Variants in STAG1 observed in about 807,000 individuals in gnomAD.
STAG1 encodes STAG1 cohesin complex component.
A neutral mutation model predicts 170.9 loss-of-function variants in STAG1; 26 were observed. That is an observed-to-expected ratio of 0.15 (90% CI 0.11 to 0.21). The LOEUF is 0.21. STAG1 is among the 10% of genes least tolerant of loss of function. The pLI is 1.00. For synonymous variants in STAG1, 514 were observed against 497.7 expected (o/e 1.03, Z -0.44); for missense variants, 964 against 1,509.5 (o/e 0.64, Z 5.99).
chr3:136,408,037 T>C (rs543075130), intron 21 of STAG1, among the ~76,000 whole-genome samples: 47 of 152,106 alleles, frequency 3.1e-4, no homozygotes, highest in African/African-American at 1.1e-3. Flanking sequence ...TCCAAAAATA[T>C]ATTTCAACTA....
chr3:136,443,759 A>AT (rs2088698390), intron 14 of STAG1, among the ~76,000 whole-genome samples: 1 of 123,862 alleles, frequency 8.1e-6, no homozygotes, highest in Non-Finnish European at 1.7e-5. Context: ...CTTTATTTTT[A>AT]TTTTTTAAAG....
chr3:136,352,748 T>C (rs1389318027), intron 28 of STAG1, among the ~76,000 whole-genome samples: 2 of 152,242 alleles, frequency 1.3e-5, no homozygotes, highest in African/African-American at 4.8e-5. Flanking sequence ...CATTTCATTA[T>C]AAAATAGGCT....
chr3:136,731,763 C>T (rs1934055652), intron 1 of STAG1, among the ~76,000 whole-genome samples: 1 of 152,206 alleles, frequency 6.6e-6, no homozygotes, highest in African/African-American at 2.4e-5. Flanking sequence ...AAAACACTTG[C>T]TAACCTATCT....
chr3:136,668,369 ATATAT>A (rs1338406729), intron 1 of STAG1, among the ~76,000 whole-genome samples: 2 of 146,374 alleles, frequency 1.4e-5, no homozygotes, highest in South Asian at 2.1e-4. Context: ...ATTATACATA[ATATAT>A]TATACATAAT....
intron 5 of STAG1, among the ~76,000 whole-genome samples, chr3:136,562,495 A>G (rs563346706): frequency 5.4e-5 from 8 of 147,400 alleles, no homozygotes; most frequent in Non-Finnish European, 7.5e-5. Flanking sequence ...TCCTGACCTC[A>G]GGAAATCTGC....
intron 23 of STAG1, 68 bp downstream of exon 23, chr3:136,377,592 T>C (rs1576406590): frequency 7.5e-7 from 1 of 1,332,454 alleles, no homozygotes; most frequent in East Asian, 2.3e-5. Flanking sequence ...TAAAAAATTG[T>C]ATCTTCTTAA....
At chr3:136,567,887 C>T (rs968759203) in intron 5 of STAG1, among the ~76,000 whole-genome samples, 8 of 152,164 alleles carry the variant, frequency 5.3e-5, no homozygotes, top group Non-Finnish European at 1.2e-4. Flanking sequence ...AAGCCCTTTG[C>T]TGAACTATTA....
intron 9 of STAG1, among the ~76,000 whole-genome samples, chr3:136,489,400 C>T (rs768174213): frequency 1.1e-4 from 17 of 152,204 alleles, no homozygotes; most frequent in Non-Finnish European, 2.5e-4. Flanking sequence ...TTGTATTACC[C>T]TTATGGATGC....
At chr3:136,403,442 A>C (rs533069327) in intron 21 of STAG1, among the ~76,000 whole-genome samples, 1 of 152,140 alleles carries the variant, frequency 6.6e-6, no homozygotes, top group Non-Finnish European at 1.5e-5. Context: ...TATAAACATT[A>C]GTGCTAAAAA....
chr3:136,670,905 TTTTC>T (rs1263583122), intron 1 of STAG1, among the ~76,000 whole-genome samples: 6 of 152,218 alleles, frequency 3.9e-5, no homozygotes, highest in Non-Finnish European at 8.8e-5. Context: ...TGGAATTTTG[TTTTC>T]TTTTTGTTTT....
chr3:136,624,103 G>A (rs1301647182), intron 2 of STAG1, among the ~76,000 whole-genome samples: 1 of 151,122 alleles, frequency 6.6e-6, no homozygotes, highest in East Asian at 1.9e-4. Flanking sequence ...TCTTATATTG[G>A]AATCTTTTTT....
At chr3:136,366,027 G>A (rs1049882683) in intron 25 of STAG1, among the ~76,000 whole-genome samples, 1 of 151,582 alleles carries the variant, frequency 6.6e-6, no homozygotes, top group African/African-American at 2.4e-5. Context: ...TCTCACTTAA[G>A]TCTCTCTCTA....
intron 15 of STAG1, among the ~76,000 whole-genome samples, chr3:136,440,512 T>C (rs373703395): frequency 1.3e-5 from 2 of 151,404 alleles, no homozygotes; most frequent in Non-Finnish European, 2.9e-5. Context: ...AGAAAATGAG[T>C]TGGAATAGGA....
chr3:136,462,165 C>T (rs1324584033), intron 13 of STAG1, among the ~76,000 whole-genome samples: 1 of 152,004 alleles, frequency 6.6e-6, no homozygotes, highest in Admixed American at 6.6e-5. Context: ...AAAATATCTA[C>T]CATATGATCA....
chr3:136,723,754 C>T (rs1933466278), intron 1 of STAG1, among the ~76,000 whole-genome samples: 1 of 143,350 alleles, frequency 7.0e-6, no homozygotes. Context: ...CCCCTCTGCC[C>T]GGCCAGCCGC....
At chr3:136,520,002 G>C (rs1473603466) in intron 7 of STAG1, among the ~76,000 whole-genome samples, 1 of 152,048 alleles carries the variant, frequency 6.6e-6, no homozygotes, top group East Asian at 1.9e-4. Context: ...GGTTAGGACT[G>C]TAACTAACAG....
At chr3:136,355,675 T>C (rs1297975503) in intron 28 of STAG1, among the ~76,000 whole-genome samples, 3 of 152,160 alleles carry the variant, frequency 2.0e-5, no homozygotes, top group African/African-American at 7.2e-5. Flanking sequence ...AGACCGTATG[T>C]TGGTCCATAA....
intron 28 of STAG1, among the ~76,000 whole-genome samples, chr3:136,349,680 A>G (rs1936361767): frequency 6.6e-6 from 1 of 152,212 alleles, no homozygotes; most frequent in African/African-American, 2.4e-5. Context: ...CAAAAAGATT[A>G]TTGAGTTTTC....
At chr3:136,541,552 A>ACACT (rs1339240006) in intron 6 of STAG1, among the ~76,000 whole-genome samples, 10 of 149,664 alleles carry the variant, frequency 6.7e-5, no homozygotes, top group Non-Finnish European at 1.2e-4. Flanking sequence ...ACACACACAC[A>ACACT]CACACACACA....
Sources: gnomAD v4.1 joint callset for allele counts (sites outside exome capture counted in the v4.1 genomes callset) on GRCh38, gnomAD v4.1.1 for gene constraint, MANE v1.5 for transcripts, NCBI Gene and HGNC (gene_info 2026-07-23, HGNC 2026-07-21) for gene names.